Variants in ATOH8 observed in about 807,000 individuals in gnomAD.
ATOH8 encodes the protein transcription factor ATOH8.
In ATOH8, 9 loss-of-function variants were observed where a neutral mutation model predicts 21.2. The observed-to-expected ratio is 0.42, with a 90% CI of 0.26 to 0.74. ATOH8 has a LOEUF of 0.74. Among genes scored for constraint, ATOH8 ranks in the 30% least tolerant of loss-of-function variants. ATOH8 has a pLI of 0.24. For missense variants in ATOH8, 524 were observed against 470.9 expected (o/e 1.11, Z -1.04); for synonymous variants, 253 against 224.0 (o/e 1.13, Z -1.16).
intron 2 of ATOH8, chr2:85,780,309 T>TC (rs1225234532): frequency 6.6e-6 from 1 of 152,260 alleles, no homozygotes; most frequent in African/African-American, 2.4e-5. Flanking sequence ...CAAGAAGGGC[T>TC]CCCCCAGGTT....
chr2:85,768,247 C>A lies in ATOH8; in HGVS notation c.960+4065C>A, dbSNP rs115849374. On this transcript the variant is annotated intron_variant, in intron 2 of 2. Coordinates refer to ENST00000306279, the MANE Select transcript of ATOH8 (RefSeq NM_032827.7). The stretch of plus-strand genomic sequence containing the variant: ...TCCCAGCCCTTCCTACCCCAATGAG[C>A]CACGCTTGCCGCTCCATGTGCTGTG... Among the ~76,000 whole-genome samples, 1,482 of 152,326 alleles carry A rather than the reference C, an allele frequency of 9.7e-3. 31 individuals carry two copies. The highest frequency in any genetic ancestry group is 0.034 in the African/African-American group (1,421 of 41,564).
chr2:85,755,160 C>T (rs372754996), intron 1 of ATOH8, among the ~76,000 whole-genome samples: 1 of 152,228 alleles, frequency 6.6e-6, no homozygotes, highest in Non-Finnish European at 1.5e-5. Flanking sequence ...TATCTCTGGC[C>T]CGAGCACCCC....
chr2:85,755,035 A>G (rs1259530982), intron 1 of ATOH8, 78 bp downstream of exon 1: 9 of 1,468,996 alleles, frequency 6.1e-6, no homozygotes, highest in Non-Finnish European at 8.1e-6. Flanking sequence ...CCGGGGCGGG[A>G]TAGAGGTGTG....
chr2:85,789,011 T>C lies in ATOH8; in HGVS notation c.*2121T>C, dbSNP rs1226091826. 1.3e-5 allele frequency among the ~76,000 whole-genome samples: 2 copies of C among 152,216 alleles called. No homozygotes were observed. Among genetic ancestry groups the C allele is most frequent in the African/African-American group, 4.8e-5 (2 of 41,454 alleles). ...GCTGGCACAGATAACAGCACTGCTC[T>C]GTTGTCCCTCGGAGCCTCTGAGTAA... On this transcript the variant is annotated 3_prime_UTR_variant, in exon 3 of 3. Transcript: ENST00000306279.
At position 85,754,467 on chromosome 2, in the gene ATOH8, C is replaced by T; in HGVS notation, c.278C>T (p.Ala93Val). The T allele has an allele frequency of 8.1e-6, 12 of 1,474,252 alleles. No individual in the cohort carries two copies. Among genetic ancestry groups the T allele is most frequent in the Non-Finnish European group, 1.1e-5 (12 of 1,122,528 alleles). The allele number at this position is 1,474,252 out of a possible 1,614,324, so 91.3% of individuals were successfully genotyped here. A position where few individuals can be genotyped will look rare whatever the true frequency, so the allele number is the denominator to read the frequency against. Residue 93 changes from alanine to valine, a missense_variant, in exon 1 of 3, where the codon GCC (alanine) becomes GTC (valine). Coordinates refer to ENST00000306279, the MANE Select transcript of ATOH8 (RefSeq NM_032827.7). ...AVPPRGGTDT[A>V]GERGGSRAPE... ...CCCCCAAGAGGGGGCACGGACACAG[C>T]CGGGGAGCGCGGGGGCTCTCGGGCG...
At chr2:85,756,343 G>A (rs1679695025) in intron 1 of ATOH8, among the ~76,000 whole-genome samples, 1 of 152,132 alleles carries the variant, frequency 6.6e-6, no homozygotes, top group Non-Finnish European at 1.5e-5. Flanking sequence ...GTGGCGGTGC[G>A]TGGGGGATCC....
chr2:85,759,946 G>T, intron 1 of ATOH8, among the ~76,000 whole-genome samples: 1 of 152,116 alleles, frequency 6.6e-6, no homozygotes, highest in East Asian at 1.9e-4. Context: ...TTGCTCCTGC[G>T]ATCTCATTCT....
chr2:85,775,134 A>G, intron 2 of ATOH8: 1 of 927,264 alleles, frequency 1.1e-6, no homozygotes, highest in South Asian at 5.0e-5. Flanking sequence ...ATGCTATGTG[A>G]CATAGGATGC....
rs185896632 is a variant in ATOH8 at position 85,767,130 on chromosome 2, A to C, written c.960+2948A>C. 5.2e-3 allele frequency among the ~76,000 whole-genome samples: 211 copies of C among 40,858 alleles called. 2 individuals carry two copies. Among genetic ancestry groups the C allele is most frequent in the South Asian group, 6.8e-3 (5 of 738 alleles). The allele number at this position is 40,858 out of a possible 152,430, so 26.8% of individuals were successfully genotyped here. A position where few individuals can be genotyped will look rare whatever the true frequency, so the allele number is the denominator to read the frequency against. On this transcript the variant is annotated intron_variant, in intron 2 of 2. Transcript: ENST00000306279. ...TTGCAATTGGAACCTCACCGGTTTTATTTTCTTCGTTTTGTGCCTCCCAGC... is the reference window on the plus strand; with the variant it reads ...TTGCAATTGGAACCTCACCGGTTTTCTTTTCTTCGTTTTGTGCCTCCCAGC...
In ATOH8 at chr2:85,754,288, G is replaced by C; in HGVS notation, c.99G>C (p.Pro33=). 1 of 1,610,094 alleles carries C rather than the reference G, an allele frequency of 6.2e-7. No individual in the cohort carries two copies. The highest frequency in any genetic ancestry group is 8.5e-7 in the Non-Finnish European group (1 of 1,178,902). ...AGCTCAAGCGGAAAGGCAAGGAGCC[G>C]GCGCGGCGCGCGAACGGCTATAAAA... ...LKKLKRKGKE[P]ARRANGYKTF... is the part of the protein sequence containing the mutation. Residue 33 remains proline, a synonymous_variant, in exon 1 of 3, where the codon CCG becomes CCC. Coordinates refer to ENST00000306279, the MANE Select transcript of ATOH8 (RefSeq NM_032827.7).
At chr2:85,772,904 A>G (rs1004518173) in intron 2 of ATOH8, 2 of 444,296 alleles carry the variant, frequency 4.5e-6, no homozygotes, top group Non-Finnish European at 9.0e-6. Flanking sequence ...AGGCCACCTC[A>G]TTAGTGCTCC....
chr2:85,772,447 G>A (rs557193760), intron 2 of ATOH8, among the ~76,000 whole-genome samples: 4 of 151,762 alleles, frequency 2.6e-5, no homozygotes, highest in Non-Finnish European at 4.4e-5. Flanking sequence ...CAGATGTTCC[G>A]AGCGCTCGCT....
At chr2:85,765,911 C>T (rs1334799649) in intron 2 of ATOH8, among the ~76,000 whole-genome samples, 2 of 152,084 alleles carry the variant, frequency 1.3e-5, no homozygotes, top group African/African-American at 4.8e-5. Flanking sequence ...TCTTAGACAC[C>T]CTCTGGGCCT....
chr2:85,755,086 C>T, intron 1 of ATOH8, 129 bp downstream of exon 1: 1 of 1,283,602 alleles, frequency 7.8e-7, no homozygotes, highest in South Asian at 1.6e-5. Context: ...ACCCTGGTGC[C>T]CAGACAGGTG....
At chr2:85,768,891 G>A (rs1680099378) in intron 2 of ATOH8, among the ~76,000 whole-genome samples, 1 of 152,164 alleles carries the variant, frequency 6.6e-6, no homozygotes, top group African/African-American at 2.4e-5. Flanking sequence ...CATGTCAGAG[G>A]CCGCCCAGCA....
chr2:85,764,308 G>T (rs1265777093), intron 2 of ATOH8, 126 bp downstream of exon 2: 2 of 1,223,496 alleles, frequency 1.6e-6, no homozygotes, highest in Admixed American at 4.9e-5. Context: ...TTGGAGGTTT[G>T]CTGGGAGTTG....
intron 1 of ATOH8, among the ~76,000 whole-genome samples, chr2:85,761,703 C>T (rs1295345596): frequency 6.6e-6 from 1 of 152,212 alleles, no homozygotes; most frequent in Non-Finnish European, 1.5e-5. Context: ...CCAGAGTCTC[C>T]CTCAGGCTGC....
At chr2:85,768,089 G>A (rs1680071627) in intron 2 of ATOH8, among the ~76,000 whole-genome samples, 1 of 152,202 alleles carries the variant, frequency 6.6e-6, no homozygotes, top group Non-Finnish European at 1.5e-5. Context: ...ATGATATTAC[G>A]AGTGTGTAGT....
rs927771659 is a variant in ATOH8, at chr2:85,754,068, G to A, written c.-122G>A. The A allele has an allele frequency of 8.2e-7, 1 of 1,223,346 alleles. No homozygotes were observed. The highest frequency in any genetic ancestry group is 4.0e-5 in the Admixed American group (1 of 24,924). 75.8% of individuals were successfully genotyped at this position (1,223,346 alleles called of 1,614,324 possible). A position where few individuals can be genotyped will look rare whatever the true frequency, so the allele number is the denominator to read the frequency against. The stretch of plus-strand genomic sequence containing the variant: ...CGGCGGCGCAGCTGCCCGGGGCGAG[G>A]GGGAGAAAGGGAGAGAGGGAGGGGG... On this transcript the variant is annotated 5_prime_UTR_variant, in exon 1 of 3. Transcript: ENST00000306279.
Sources: gnomAD v4.1 joint callset for allele counts (sites outside exome capture counted in the v4.1 genomes callset) on GRCh38, gnomAD v4.1.1 for gene constraint, MANE v1.5 for transcripts, NCBI Gene and HGNC (gene_info 2026-07-23, HGNC 2026-07-21) for gene names.